Variants in TNR observed in about 807,000 individuals in gnomAD.
The protein encoded by TNR is tenascin R.
A neutral mutation model predicts 150.4 loss-of-function variants in TNR; 45 were observed. The observed-to-expected ratio is 0.30, with a 90% CI of 0.24 to 0.38. The LOEUF (loss-of-function observed/expected upper bound fraction) is 0.38, where lower values mean the gene tolerates loss of function less well. Among genes scored for constraint, TNR ranks in the 10% least tolerant of loss-of-function variants. TNR has a pLI of 1.00. For synonymous variants in TNR, 687 were observed against 678.4 expected (o/e 1.01, Z -0.20); for missense variants, 1,544 against 1,759.1 (o/e 0.88, Z 2.19).
At chr1:175,656,447 C>T (rs1665180433) in intron 1 of TNR, among the ~76,000 whole-genome samples, 1 of 152,204 alleles carries the variant, frequency 6.6e-6, no homozygotes, top group Admixed American at 6.5e-5. Context: ...TCCATTAATT[C>T]AGCCAGCTCA....
intron 1 of TNR, among the ~76,000 whole-genome samples, chr1:175,742,661 A>T (rs2101964280): frequency 6.6e-6 from 1 of 152,330 alleles, no homozygotes; most frequent in East Asian, 1.9e-4. Context: ...GTAAAAGGTC[A>T]GGTTGGGCTC....
At chr1:175,644,790 T>C (rs1324890095) in intron 1 of TNR, among the ~76,000 whole-genome samples, 2 of 152,262 alleles carry the variant, frequency 1.3e-5, no homozygotes, top group African/African-American at 4.8e-5. Context: ...TGAAGTGCTG[T>C]GGCATGCTGG....
At chr1:175,593,782 C>A (rs1662900694) in intron 1 of TNR, among the ~76,000 whole-genome samples, 1 of 152,098 alleles carries the variant, frequency 6.6e-6, no homozygotes, top group South Asian at 2.1e-4. Context: ...AAGTAGGGCC[C>A]AAGATATTTG....
intron 1 of TNR, among the ~76,000 whole-genome samples, chr1:175,684,870 C>T (rs1221821293): frequency 1.3e-5 from 2 of 152,198 alleles, no homozygotes; most frequent in African/African-American, 4.8e-5. Context: ...AAAGTGTTTT[C>T]ATCATTGAAG....
intron 1 of TNR, among the ~76,000 whole-genome samples, chr1:175,719,673 G>A (rs1190927377): frequency 6.6e-6 from 1 of 152,212 alleles, no homozygotes; most frequent in Non-Finnish European, 1.5e-5. Context: ...TTGCAGGAAA[G>A]ATAGCCAAGC....
At chr1:175,589,625 A>G (rs1662714764) in intron 1 of TNR, among the ~76,000 whole-genome samples, 1 of 152,242 alleles carries the variant, frequency 6.6e-6, no homozygotes, top group Non-Finnish European at 1.5e-5. Flanking sequence ...AGGCTGGATA[A>G]AGAAAATGTG....
intron 2 of TNR, among the ~76,000 whole-genome samples, chr1:175,491,569 T>C (rs980144386): frequency 1.3e-5 from 2 of 151,996 alleles, no homozygotes; most frequent in Non-Finnish European, 2.9e-5. Flanking sequence ...ATCTAGACTT[T>C]CTGAGTTAGA....
chr1:175,368,073 G>T (rs1651922061), intron 9 of TNR, among the ~76,000 whole-genome samples: 1 of 152,192 alleles, frequency 6.6e-6, no homozygotes, highest in East Asian at 1.9e-4. Flanking sequence ...GAATTCTCTA[G>T]GTTCTCTCCT....
intron 1 of TNR, among the ~76,000 whole-genome samples, chr1:175,727,760 C>T (rs1245652523): frequency 6.6e-6 from 1 of 151,894 alleles, no homozygotes; most frequent in Non-Finnish European, 1.5e-5. Flanking sequence ...AAAGGGAAGG[C>T]CAAGAGGATG....
At chr1:175,515,780 G>A (rs1019398433) in intron 2 of TNR, among the ~76,000 whole-genome samples, 15 of 152,160 alleles carry the variant, frequency 9.9e-5, no homozygotes, top group Middle Eastern at 3.2e-3. Context: ...GGGAACAAAG[G>A]GAATTTCAGA....
At chr1:175,344,024 T>C (rs1413628934) in intron 18 of TNR, among the ~76,000 whole-genome samples, 3 of 152,122 alleles carry the variant, frequency 2.0e-5, no homozygotes, top group Non-Finnish European at 4.4e-5. Flanking sequence ...AAAGCAGGGA[T>C]TTATTAAAGC....
chr1:175,484,382 T>A (rs1407690262), intron 2 of TNR, among the ~76,000 whole-genome samples: 1 of 152,220 alleles, frequency 6.6e-6, no homozygotes, highest in African/African-American at 2.4e-5. Flanking sequence ...GGTCATGTAT[T>A]ATGTTCCAGT....
chr1:175,725,435 C>G (rs550217319), intron 1 of TNR, among the ~76,000 whole-genome samples: 40 of 152,278 alleles, frequency 2.6e-4, no homozygotes, highest in African/African-American at 9.6e-4. Flanking sequence ...TCAGGGGTCT[C>G]AACAGATACG....
chr1:175,722,152 T>A (rs1203998138), intron 1 of TNR, among the ~76,000 whole-genome samples: 2 of 152,056 alleles, frequency 1.3e-5, no homozygotes, highest in Non-Finnish European at 2.9e-5. Context: ...ATTGCCACCC[T>A]CCGGGCCCTC....
chr1:175,551,904 G>C lies in TNR; in HGVS notation c.-164-23535C>G, dbSNP rs561892634. Among the ~76,000 whole-genome samples the C allele has an allele frequency of 3.9e-5, 6 of 152,308 alleles. No homozygotes were observed. The East Asian group carries it at 1.2e-3, about 29-fold the overall frequency. ...GAGTGTGTGTGGTGAATGGAGTGGA[G>C]GGAGGGTTGTAAGGGTCTAAATCCT... On this transcript the variant is annotated intron_variant, in intron 1 of 22. Coordinates refer to ENST00000367674, the MANE Select transcript of TNR (RefSeq NM_003285.3).
At chr1:175,512,238 G>A (rs535137809) in intron 2 of TNR, among the ~76,000 whole-genome samples, 15 of 152,194 alleles carry the variant, frequency 9.9e-5, no homozygotes, top group Non-Finnish European at 1.8e-4. Context: ...GTTAAGATCC[G>A]TGACCATTTC....
chr1:175,714,016 C>T (rs989647645), intron 1 of TNR, among the ~76,000 whole-genome samples: 2 of 151,958 alleles, frequency 1.3e-5, no homozygotes, highest in Non-Finnish European at 2.9e-5. Flanking sequence ...TTCCTTTGTG[C>T]CTTCTCTTTG....
chr1:175,653,057 A>G (rs925728822), intron 1 of TNR, among the ~76,000 whole-genome samples: 4 of 152,188 alleles, frequency 2.6e-5, no homozygotes, highest in African/African-American at 9.7e-5. Flanking sequence ...AAATAAACCT[A>G]ATGGACTCCT....
intron 2 of TNR, among the ~76,000 whole-genome samples, chr1:175,469,520 T>G (rs988267304): frequency 2.6e-5 from 4 of 151,962 alleles, no homozygotes; most frequent in African/African-American, 7.3e-5. Flanking sequence ...AGCAGGGGAC[T>G]GAGGTTGGCA....
Sources: allele counts gnomAD v4.1 joint callset (sites outside exome capture counted in the v4.1 genomes callset), GRCh38; gene constraint gnomAD v4.1.1; transcripts MANE v1.5; gene names NCBI Gene and HGNC (gene_info 2026-07-23, HGNC 2026-07-21).